COP1: variants seen among roughly 807,000 people sequenced by gnomAD.
The protein encoded by COP1 is E3 ubiquitin-protein ligase COP1.
COP1 carries 24 observed loss-of-function variants against 101.3 expected under a neutral mutation model. The ratio of observed to expected loss-of-function variants is 0.24; its 90% CI spans 0.17 to 0.33. COP1 has a LOEUF of 0.33. COP1 is among the 10% of genes least tolerant of loss of function. The pLI, the probability that COP1 is intolerant of heterozygous loss-of-function variation, is 1.00. For synonymous variants in COP1, 347 were observed against 341.9 expected (o/e 1.01, Z -0.17); for missense variants, 663 against 906.2 (o/e 0.73, Z 3.45).
intron 18 of COP1, among the ~76,000 whole-genome samples, chr1:175,978,239 T>C (rs1655022956): frequency 2.6e-5 from 4 of 152,172 alleles, no homozygotes; most frequent in Admixed American, 6.5e-5. Context: ...AAGGATTTAA[T>C]GAGGAAGAAA....
intron 19 of COP1, 63 bp from the exon 20 acceptor site, chr1:175,945,233 G>T: frequency 8.4e-7 from 1 of 1,189,222 alleles, no homozygotes; most frequent in South Asian, 1.4e-5. Flanking sequence ...GGAATTTAAT[G>T]ACTCTTTACT....
At chr1:176,050,540 G>C (rs1672362090) in intron 11 of COP1, among the ~76,000 whole-genome samples, 1 of 152,168 alleles carries the variant, frequency 6.6e-6, no homozygotes, top group South Asian at 2.1e-4. Context: ...TACCATGATA[G>C]TGTGCCTCAA....
At chr1:176,174,743 G>A (rs1023522308) in intron 3 of COP1, among the ~76,000 whole-genome samples, 4 of 152,134 alleles carry the variant, frequency 2.6e-5, no homozygotes, top group African/African-American at 9.7e-5. Flanking sequence ...TAATACAAAA[G>A]TAGTCACCAC....
At chr1:175,984,312 C>T (rs1356401596) in intron 18 of COP1, among the ~76,000 whole-genome samples, 2 of 152,144 alleles carry the variant, frequency 1.3e-5, no homozygotes, top group Admixed American at 1.3e-4. Flanking sequence ...ACAGAGAACT[C>T]GAGCCATGGC....
chr1:176,061,046 C>G (rs907644066), intron 11 of COP1, among the ~76,000 whole-genome samples: 7 of 152,232 alleles, frequency 4.6e-5, no homozygotes, highest in African/African-American at 1.7e-4. Flanking sequence ...CTTATATTAC[C>G]TAATTTCAAG....
intron 9 of COP1, among the ~76,000 whole-genome samples, chr1:176,105,626 T>C (rs1031203279): frequency 2.6e-5 from 4 of 152,214 alleles, no homozygotes; most frequent in African/African-American, 9.6e-5. Context: ...CATGGTAGAA[T>C]AGCATGGATT....
intron 3 of COP1, among the ~76,000 whole-genome samples, chr1:176,170,273 C>T (rs1222674802): frequency 6.6e-6 from 1 of 152,164 alleles, no homozygotes; most frequent in Non-Finnish European, 1.5e-5. Flanking sequence ...TTAATGGCAT[C>T]TAGAATGGTG....
rs771268742 is a variant in COP1, at chr1:176,142,717, CA to C, written c.832-6171del. On this transcript the variant is annotated intron_variant, in intron 6 of 19. Coordinates refer to ENST00000367669, the MANE Select transcript of COP1 (RefSeq NM_022457.7). Reference sequence around the variant, plus strand: ...ATGCAATTATAACAGAAATCCAGAACAAAAAAAAAACAAAATCTCAATGTTC... The same window carrying C: ...ATGCAATTATAACAGAAATCCAGAACAAAAAAAAACAAAATCTCAATGTTC... 2.7e-4 allele frequency among the ~76,000 whole-genome samples: 37 copies of C among 138,000 alleles called. No homozygotes were observed. In the East Asian group the frequency reaches 4.8e-3, roughly 18 times the overall value. 90.5% of individuals were successfully genotyped at this position (138,000 alleles called of 152,430 possible).
intron 5 of COP1, among the ~76,000 whole-genome samples, chr1:176,152,627 T>C (rs1558215391): frequency 6.6e-6 from 1 of 152,132 alleles, no homozygotes; most frequent in Non-Finnish European, 1.5e-5. Flanking sequence ...TTTGTATTTT[T>C]AGTAGAAACT....
At chr1:176,021,187 T>C (rs1303934201) in intron 15 of COP1, among the ~76,000 whole-genome samples, 1 of 152,214 alleles carries the variant, frequency 6.6e-6, no homozygotes, top group Non-Finnish European at 1.5e-5. Flanking sequence ...TGCTAATTAC[T>C]AGGCATATTT....
chr1:176,146,504 T>G (rs1298902433), intron 6 of COP1, among the ~76,000 whole-genome samples: 1 of 152,200 alleles, frequency 6.6e-6, no homozygotes, highest in East Asian at 1.9e-4. Flanking sequence ...TCTCTTGCTT[T>G]CTTACTTGTT....
At chr1:176,158,424 T>C (rs1693800772) in intron 5 of COP1, among the ~76,000 whole-genome samples, 1 of 151,904 alleles carries the variant, frequency 6.6e-6, no homozygotes, top group Non-Finnish European at 1.5e-5. Flanking sequence ...AAATAACAGA[T>C]AGAAACCAAT....
intron 1 of COP1, among the ~76,000 whole-genome samples, chr1:176,198,419 T>C (rs925716658): frequency 2.4e-4 from 36 of 152,154 alleles, no homozygotes; most frequent in Non-Finnish European, 2.2e-4. Flanking sequence ...ATAATATTAA[T>C]GAAGCCTTCA....
intron 3 of COP1, among the ~76,000 whole-genome samples, chr1:176,170,683 T>C (rs1259262113): frequency 6.6e-6 from 1 of 152,080 alleles, no homozygotes; most frequent in Admixed American, 6.6e-5. Context: ...GGCTCTAGGA[T>C]TTTCAAAATG....
intron 18 of COP1, 104 bp from the exon 19 acceptor site, chr1:175,947,343 G>C: frequency 1.7e-5 from 13 of 757,572 alleles, no homozygotes; most frequent in East Asian, 2.5e-5. Context: ...CAATTCCTAA[G>C]ACAATTGAAT....
intron 9 of COP1, among the ~76,000 whole-genome samples, chr1:176,115,531 G>A (rs771309798): frequency 6.6e-6 from 1 of 151,996 alleles, no homozygotes; most frequent in Non-Finnish European, 1.5e-5. Context: ...GGAGGATCAC[G>A]AGGTCAAGAG....
chr1:176,171,183 T>A (rs1696008756), intron 3 of COP1, among the ~76,000 whole-genome samples: 1 of 151,226 alleles, frequency 6.6e-6, no homozygotes, highest in Non-Finnish European at 1.5e-5. Flanking sequence ...AATCTGTCAT[T>A]TACTATAGCC....
At chr1:176,028,751 A>G (rs1346851410) in intron 14 of COP1, among the ~76,000 whole-genome samples, 2 of 115,374 alleles carry the variant, frequency 1.7e-5, no homozygotes, top group African/African-American at 6.4e-5. Flanking sequence ...TATTCTTTTT[A>G]TTATTATTAT....
chr1:176,158,167 C>CATA (rs1284118585), intron 5 of COP1, among the ~76,000 whole-genome samples: 2 of 151,640 alleles, frequency 1.3e-5, no homozygotes, highest in African/African-American at 4.8e-5. Flanking sequence ...GTATCTTAAA[C>CATA]TGGGAGAAAC....
Sources: gnomAD v4.1 joint callset for allele counts (sites outside exome capture counted in the v4.1 genomes callset) on GRCh38, gnomAD v4.1.1 for gene constraint, MANE v1.5 for transcripts, NCBI Gene and HGNC (gene_info 2026-07-23, HGNC 2026-07-21) for gene names.